The following LRRC49 variants were observed in gnomAD, a reference collection of about 807,000 sequenced individuals.
LRRC49 encodes leucine-rich repeat-containing protein 49.
In LRRC49, 50 loss-of-function variants were observed where a neutral mutation model predicts 83.3. The observed-to-expected ratio is 0.60, with a 90% CI of 0.48 to 0.76. The LOEUF is 0.76. Ranked by LOEUF, LRRC49 falls within the 30% of genes least tolerant of loss-of-function variation. The pLI is 0.00. For missense variants in LRRC49, 704 were observed against 809.1 expected, an observed-to-expected ratio of 0.87 and a Z score of 1.58; for synonymous variants, 286 against 283.3, an observed-to-expected ratio of 1.01 and a Z score of -0.10.
intron 5 of LRRC49, chr15:70,908,558 T>C (rs2034414717): frequency 6.6e-6 from 1 of 152,590 alleles, no homozygotes; most frequent in Non-Finnish European, 1.5e-5. Flanking sequence ...ATCTGAAAAA[T>C]ATCTCAAACA....
chr15:70,895,774 G>T (rs1279459942), intron 2 of LRRC49, 75 bp from the exon 3 acceptor site: 1 of 854,364 alleles, frequency 1.2e-6, no homozygotes. Flanking sequence ...GTTATTATAT[G>T]TTTTTTTAAT....
At chr15:70,892,598 A>G, upstream of LRRC49, 7 of 1,465,054 alleles carry the variant, frequency 4.8e-6, no homozygotes, top group Non-Finnish European at 6.3e-6. Flanking sequence ...TATAGCAACC[A>G]GTGTGGCCAG....
At position 71,020,663 on chromosome 15, in the gene LRRC49, G is replaced by A. The variant is rs79636571; in HGVS notation, c.1703+7750G>A. On this transcript the variant is annotated intron_variant, in intron 14 of 15. Transcript: ENST00000260382. ...GAAGCCAGAAGATAGGATAATGAAT[G>A]ATATGTTCAATGTACTGAAGGAAAT... is the stretch of plus-strand genomic sequence containing the variant. Among the ~76,000 whole-genome samples the A allele has an allele frequency of 4.7e-3, 719 of 152,254 alleles. 2 individuals are homozygous for A. Among genetic ancestry groups the A allele is most frequent in the African/African-American group, 0.017 (705 of 41,552 alleles).
chr15:70,890,415 T>C (rs369320458), upstream of LRRC49, among the ~76,000 whole-genome samples: 64 of 152,316 alleles, frequency 4.2e-4, 1 homozygote, highest in East Asian at 5.2e-3. Flanking sequence ...AAAAATTTGT[T>C]CTTATAGTCA....
intron 2 of LRRC49, chr15:70,895,595 C>T: frequency 5.9e-6 from 2 of 339,458 alleles, no homozygotes; most frequent in South Asian, 9.3e-5. Flanking sequence ...CAAATGGAAT[C>T]CCTGTACCCA....
intron 8 of LRRC49, among the ~76,000 whole-genome samples, chr15:70,941,944 A>G (rs1160017861): frequency 6.6e-6 from 1 of 152,122 alleles, no homozygotes; most frequent in Non-Finnish European, 1.5e-5. Flanking sequence ...CAACCAACTT[A>G]TAAATATATA....
At chr15:71,024,919 T>A (rs1055147825) in intron 14 of LRRC49, among the ~76,000 whole-genome samples, 5 of 152,050 alleles carry the variant, frequency 3.3e-5, no homozygotes, top group Non-Finnish European at 7.4e-5. Context: ...TATCAATAAC[T>A]GAATATACCA....
In LRRC49 at chr15:71,008,446, G is replaced by A; in HGVS notation, c.1237G>A (p.Val413Met). ...LSVIDTYLVE[V>M]DGDTLSLYGS... ...TGTCATAGACACATACCTTGTTGAA[G>A]TGGACGGGGATACACTTTCCCTATA... The change falls in exon 12 of 16, where the codon GTG becomes ATG. Residue 413 changes from valine to methionine, a missense_variant. Around this residue, in one of 3 missense-constraint regions of LRRC49, gnomAD observed 275 missense variants for 338.0 expected, o/e 0.81. Coordinates refer to ENST00000260382, the MANE Select transcript of LRRC49 (RefSeq NM_017691.5). 1 of 1,613,014 alleles carries A rather than the reference G, an allele frequency of 6.2e-7. No homozygotes were observed. The highest frequency in any genetic ancestry group is 8.5e-7 in the Non-Finnish European group (1 of 1,179,220).
At chr15:71,035,736 C>T (rs1051568787) in intron 14 of LRRC49, among the ~76,000 whole-genome samples, 1 of 152,104 alleles carries the variant, frequency 6.6e-6, no homozygotes, top group Admixed American at 6.6e-5. Flanking sequence ...TTTTCTTTAT[C>T]CAGTCTATCA....
chr15:70,928,284 A>C (rs1298100453), intron 7 of LRRC49, among the ~76,000 whole-genome samples: 1 of 152,176 alleles, frequency 6.6e-6, no homozygotes, highest in African/African-American at 2.4e-5. Flanking sequence ...TATTTTGTGT[A>C]ACTTACTTTT....
chr15:70,986,950 T>C (rs1043876910), intron 11 of LRRC49, among the ~76,000 whole-genome samples: 8 of 152,230 alleles, frequency 5.3e-5, no homozygotes, highest in African/African-American at 1.9e-4. Context: ...TTGATTTGCG[T>C]ATATTGAGCC....
intron 15 of LRRC49, among the ~76,000 whole-genome samples, chr15:71,037,856 A>G (rs2039573588): frequency 6.6e-6 from 1 of 152,220 alleles, no homozygotes; most frequent in African/African-American, 2.4e-5. Flanking sequence ...GGAAAATGGT[A>G]ACTAAACCTT....
At chr15:70,974,576 G>C (rs978665744) in intron 9 of LRRC49, among the ~76,000 whole-genome samples, 1 of 152,062 alleles carries the variant, frequency 6.6e-6, no homozygotes, top group African/African-American at 2.4e-5. Flanking sequence ...TTGGTATATT[G>C]GTTGATCAAA....
chr15:71,048,267 T>C (rs1383865413), intron 15 of LRRC49, among the ~76,000 whole-genome samples: 2 of 151,560 alleles, frequency 1.3e-5, no homozygotes, highest in Non-Finnish European at 2.9e-5. Flanking sequence ...TTTTTATTCT[T>C]GTTTTTCTGT....
chr15:70,868,663 T>C (rs1259886926), intron 1 of LRRC49, among the ~76,000 whole-genome samples: 3 of 152,382 alleles, frequency 2.0e-5, no homozygotes, highest in South Asian at 2.1e-4. Context: ...GTGATGCTGA[T>C]GCAACTGGTC....
Position 70,893,420 on chromosome 15 carries a change from T to A in LRRC49, c.49-164T>A. ...AACCTTTTAATTCTTAGATGTGATTTTATTGTTTTCAGCAAATCCTCAGAA... is the reference window on the plus strand; with the variant it reads ...AACCTTTTAATTCTTAGATGTGATTATATTGTTTTCAGCAAATCCTCAGAA... On this transcript the variant is annotated intron_variant, in intron 1 of 15. Coordinates refer to ENST00000260382, the MANE Select transcript of LRRC49 (RefSeq NM_017691.5). The A allele has an allele frequency of 4.7e-6, 3 of 635,576 alleles. No individual in the cohort carries two copies. In the South Asian group the frequency reaches 5.6e-5, roughly 12 times the overall value. 39.4% of individuals were successfully genotyped at this position (635,576 alleles called of 1,614,324 possible). A position where few individuals can be genotyped will look rare whatever the true frequency, so the allele number is the denominator to read the frequency against.
chr15:70,976,626 A>G (rs2037215776), intron 9 of LRRC49, among the ~76,000 whole-genome samples: 1 of 152,136 alleles, frequency 6.6e-6, no homozygotes, highest in East Asian at 1.9e-4. Context: ...AATTATTTCT[A>G]TATTGGGTCT....
chr15:71,014,528 T>C (rs568854008), intron 14 of LRRC49, among the ~76,000 whole-genome samples: 6 of 152,172 alleles, frequency 3.9e-5, no homozygotes, highest in African/African-American at 1.4e-4. Context: ...TGCTCTCAGA[T>C]TGAATTAAAA....
At chr15:70,991,729 A>C (rs988200594) in intron 11 of LRRC49, among the ~76,000 whole-genome samples, 1 of 152,240 alleles carries the variant, frequency 6.6e-6, no homozygotes, top group African/African-American at 2.4e-5. Flanking sequence ...AGTTTTGTTT[A>C]ATTTGATGAA....
Sources: allele counts gnomAD v4.1 joint callset (sites outside exome capture counted in the v4.1 genomes callset), GRCh38; gene constraint gnomAD v4.1.1; regional missense constraint gnomAD v4.1.1; transcripts MANE v1.5; gene names NCBI Gene and HGNC (gene_info 2026-07-23, HGNC 2026-07-21).